The following GRM8 variants were observed in gnomAD, a reference collection of about 807,000 sequenced individuals.
GRM8 encodes metabotropic glutamate receptor 8.
Under a neutral mutation model 87.2 loss-of-function variants are expected in GRM8, and 47 were observed. That is an observed-to-expected ratio of 0.54 (90% CI 0.43 to 0.69). The LOEUF (loss-of-function observed/expected upper bound fraction) is 0.69. Ranked by LOEUF, GRM8 falls within the 30% of genes least tolerant of loss-of-function variation. GRM8 has a pLI of 0.00. For synonymous variants in GRM8, 396 were observed against 404.5 expected (o/e 0.98, Z 0.25); for missense variants, 1,019 against 1,139.2 (o/e 0.89, Z 1.52).
At position 126,842,457 on chromosome 7, in the gene GRM8, T is replaced by C. The variant is rs138949358; in HGVS notation, c.1156+60085A>G. On this transcript the variant is annotated intron_variant, in intron 6 of 10. Transcript: ENST00000339582. ...AAACAGGAAAGAATCACTACATATT[T>C]GTGATAGGCAGACTAATGCCTGCCA... Among the ~76,000 whole-genome samples the C allele has an allele frequency of 1.9e-3, 294 of 152,344 alleles. 1 individual carries two copies. Among genetic ancestry groups the C allele is most frequent in the African/African-American group, 6.7e-3 (280 of 41,584 alleles).
intron 2 of GRM8, among the ~76,000 whole-genome samples, chr7:127,207,067 G>C (rs761997071): frequency 1.3e-5 from 2 of 152,238 alleles, no homozygotes; most frequent in Non-Finnish European, 2.9e-5. Context: ...TTCTGGCTTA[G>C]ATATTTGAGA....
At chr7:126,679,699 T>C (rs1442797502) in intron 7 of GRM8, among the ~76,000 whole-genome samples, 2 of 152,176 alleles carry the variant, frequency 1.3e-5, no homozygotes, top group Non-Finnish European at 2.9e-5. Flanking sequence ...AATCTGTAGA[T>C]GCAAGGGCTA....
At chr7:127,219,578 A>G (rs1191336088) in intron 2 of GRM8, 3 of 152,174 alleles carry the variant, frequency 2.0e-5, no homozygotes. Context: ...CAACTGAACT[A>G]CAGGAATGCA....
chr7:127,250,196 G>GCC (rs887713622), intron 1 of GRM8, among the ~76,000 whole-genome samples: 1 of 152,164 alleles, frequency 6.6e-6, no homozygotes, highest in African/African-American at 2.4e-5. Flanking sequence ...AATTAAACAA[G>GCC]CCCCGCAGCA....
intron 9 of GRM8, among the ~76,000 whole-genome samples, chr7:126,528,122 T>C (rs1814176029): frequency 6.6e-6 from 1 of 152,166 alleles, no homozygotes; most frequent in Non-Finnish European, 1.5e-5. Flanking sequence ...AAGAATCACT[T>C]GAACCCTGAA....
At chr7:126,574,470 G>A (rs997712780) in intron 8 of GRM8, among the ~76,000 whole-genome samples, 2 of 152,198 alleles carry the variant, frequency 1.3e-5, no homozygotes, top group Non-Finnish European at 2.9e-5. Context: ...GGAAAACCAT[G>A]TATTCATCAT....
intron 6 of GRM8, among the ~76,000 whole-genome samples, chr7:126,848,992 G>A (rs1796959546): frequency 6.6e-6 from 1 of 152,106 alleles, no homozygotes; most frequent in South Asian, 2.1e-4. Context: ...CACAGAGAGA[G>A]AACTTGTGCA....
intron 8 of GRM8, among the ~76,000 whole-genome samples, chr7:126,602,277 G>A (rs1409346247): frequency 1.4e-5 from 2 of 146,520 alleles, no homozygotes; most frequent in African/African-American, 4.9e-5. Context: ...GCTCTGTTCT[G>A]TTCCATTGAT....
At chr7:127,166,418 C>T (rs1793455877) in intron 2 of GRM8, among the ~76,000 whole-genome samples, 1 of 152,114 alleles carries the variant, frequency 6.6e-6, no homozygotes, top group Non-Finnish European at 1.5e-5. Flanking sequence ...CAGCCAGGAA[C>T]TCAGCAACTC....
chr7:127,063,054 C>G (rs2132606863), intron 3 of GRM8, among the ~76,000 whole-genome samples: 1 of 151,758 alleles, frequency 6.6e-6, no homozygotes, highest in African/African-American at 2.4e-5. Context: ...AGATCAAGAC[C>G]ATGCTGGCTA....
intron 8 of GRM8, among the ~76,000 whole-genome samples, chr7:126,570,778 C>T (rs555756945): frequency 6.6e-6 from 1 of 152,294 alleles, no homozygotes; most frequent in East Asian, 1.9e-4. Context: ...TGGGAAAGAG[C>T]AACAACACAA....
intron 6 of GRM8, among the ~76,000 whole-genome samples, chr7:126,823,951 A>G (rs1364226970): frequency 1.3e-5 from 2 of 152,142 alleles, no homozygotes; most frequent in African/African-American, 4.8e-5. Flanking sequence ...TATATAAGAT[A>G]ATGTGTTTGT....
At chr7:127,060,189 T>A (rs1232061724) in intron 3 of GRM8, among the ~76,000 whole-genome samples, 2 of 152,312 alleles carry the variant, frequency 1.3e-5, no homozygotes, top group Middle Eastern at 3.4e-3. Flanking sequence ...TTCTAAAATG[T>A]CACTTTTAAG....
At chr7:127,173,623 T>G (rs1323556641) in intron 2 of GRM8, among the ~76,000 whole-genome samples, 2 of 152,170 alleles carry the variant, frequency 1.3e-5, no homozygotes, top group Non-Finnish European at 2.9e-5. Context: ...TCATGATGTT[T>G]AAAACAGTGG....
chr7:126,890,291 G>T (rs1586338683), intron 6 of GRM8, among the ~76,000 whole-genome samples: 1 of 152,024 alleles, frequency 6.6e-6, no homozygotes, highest in East Asian at 1.9e-4. Context: ...CTATGTAGCA[G>T]GCAATAATCT....
intron 3 of GRM8, among the ~76,000 whole-genome samples, chr7:127,082,434 T>C (rs1368939953): frequency 6.6e-6 from 1 of 152,158 alleles, no homozygotes; most frequent in Non-Finnish European, 1.5e-5. Flanking sequence ...TTTATTAAGT[T>C]ATTCATGTCT....
At chr7:126,817,146 AT>A (rs1793862709) in intron 6 of GRM8, among the ~76,000 whole-genome samples, 1 of 151,856 alleles carries the variant, frequency 6.6e-6, no homozygotes, top group Non-Finnish European at 1.5e-5. Flanking sequence ...CTTCATTTCT[AT>A]TTTTCTTTAA....
At chr7:126,997,483 A>G (rs10281377) in intron 3 of GRM8, among the ~76,000 whole-genome samples, 5,408 of 151,500 alleles carry the variant, frequency 0.036, 318 homozygotes, top group African/African-American at 0.12. Flanking sequence ...TAAAAGATAA[A>G]CAAAACCAGA....
At chr7:126,746,457 C>T (rs1422091971) in intron 7 of GRM8, among the ~76,000 whole-genome samples, 5 of 151,624 alleles carry the variant, frequency 3.3e-5, no homozygotes, top group African/African-American at 9.7e-5. Flanking sequence ...ACCATCATAA[C>T]AGTACCCTAA....
Sources: gnomAD v4.1 joint callset for allele counts (sites outside exome capture counted in the v4.1 genomes callset) on GRCh38, gnomAD v4.1.1 for gene constraint, MANE v1.5 for transcripts, NCBI Gene and HGNC (gene_info 2026-07-23, HGNC 2026-07-21) for gene names.